Variants in ZNF420 observed in about 807,000 individuals in gnomAD.
The protein encoded by ZNF420 is ATM and p53-associated KZNF protein.
ZNF420 carries 31 observed loss-of-function variants against 44.7 expected under a neutral mutation model. The observed-to-expected ratio is 0.69, with a 90% CI of 0.52 to 0.94. ZNF420 has a LOEUF of 0.94. Among genes scored for constraint, ZNF420 ranks in the 40% least tolerant of loss-of-function variants. ZNF420 has a pLI of 0.00. For missense variants in ZNF420, 681 were observed against 827.9 expected, an observed-to-expected ratio of 0.82 and a Z score of 2.18; for synonymous variants, 245 against 267.4, an observed-to-expected ratio of 0.92 and a Z score of 0.82.
At chr19:37,074,063 A>T (rs1434223836), upstream of ZNF420, among the ~76,000 whole-genome samples, 1 of 152,182 alleles carries the variant, frequency 6.6e-6, no homozygotes, top group Admixed American at 6.5e-5. Flanking sequence ...AAAAATCACC[A>T]TTTTGCAACT....
rs1269387346 is a variant in ZNF420, at chr19:37,128,604, A to AG, written c.1615dup (p.Ala539GlyfsTer18). On this transcript the variant is annotated frameshift_variant, in exon 5 of 5. Coordinates refer to ENST00000337995, the MANE Select transcript of ZNF420 (RefSeq NM_144689.5). LOFTEE classifies it high-confidence loss of function. ...CCCTATGTGTGTAATGAATGTGGAA[A>AG]GGCCTTTGCGCGTGGCTTACTACTT... The AG allele has an allele frequency of 6.2e-7, 1 of 1,613,718 alleles. No homozygotes were observed. The highest frequency in any genetic ancestry group is 1.3e-5 in the African/African-American group (1 of 74,874).
At chr19:37,112,882 C>T (rs953997692) in intron 4 of ZNF420, among the ~76,000 whole-genome samples, 4 of 152,174 alleles carry the variant, frequency 2.6e-5, no homozygotes, top group Admixed American at 2.6e-4. Flanking sequence ...AGGCCGTGGG[C>T]CATATATCCC....
chr19:37,091,323 T>G (rs891958717), intron 4 of ZNF420: 10 of 391,630 alleles, frequency 2.6e-5, no homozygotes, highest in Non-Finnish European at 4.0e-5. Context: ...CACTGCCTTC[T>G]AATACCATCT....
At chr19:37,099,869 C>T (rs573321301) in intron 4 of ZNF420, among the ~76,000 whole-genome samples, 23 of 152,234 alleles carry the variant, frequency 1.5e-4, no homozygotes, top group Non-Finnish European at 2.9e-4. Flanking sequence ...GTGATCTGCC[C>T]GCCTGGGCCC....
chr19:37,011,095 A>T (rs189085464), intron 1 of ZNF420, among the ~76,000 whole-genome samples: 1 of 152,206 alleles, frequency 6.6e-6, no homozygotes, highest in Non-Finnish European at 1.5e-5. Context: ...CCTCTGCTCT[A>T]TCCTCCCTCT....
chr19:37,025,368 G>A (rs951456794), intron 1 of ZNF420: 85 of 167,988 alleles, frequency 5.1e-4, no homozygotes, highest in Non-Finnish European at 1.0e-3. Context: ...GTTAACTGTT[G>A]TTGTTTTTTT....
chr19:37,107,197 T>G (rs923468967), intron 4 of ZNF420: 2 of 152,076 alleles, frequency 1.3e-5, no homozygotes, highest in African/African-American at 2.4e-5. Context: ...GATGTCGGGC[T>G]GGGGGACAGT....
intron 1 of ZNF420, among the ~76,000 whole-genome samples, chr19:37,071,036 G>T (rs940542307): frequency 6.6e-6 from 1 of 152,100 alleles, no homozygotes; most frequent in Non-Finnish European, 1.5e-5. Context: ...TGTATGGCCC[G>T]CAAAGCCTAA....
At chr19:37,028,250 C>A (rs536770837) in intron 1 of ZNF420, among the ~76,000 whole-genome samples, 1 of 152,092 alleles carries the variant, frequency 6.6e-6, no homozygotes. Flanking sequence ...TGATGGACTG[C>A]GGGGAAAGAG....
intron 1 of ZNF420, among the ~76,000 whole-genome samples, chr19:37,055,397 C>G (rs1450818848): frequency 6.6e-6 from 1 of 152,278 alleles, no homozygotes; most frequent in African/African-American, 2.4e-5. Flanking sequence ...CCTGAAGCTC[C>G]TCCTCCACCG....
In ZNF420 at chr19:37,053,750, T is replaced by G. The variant is rs189276932; in HGVS notation, c.-124-26595T>G. Among the ~76,000 whole-genome samples, 622 of 152,156 alleles carry G rather than the reference T, an allele frequency of 4.1e-3. 3 individuals carry two copies. The highest frequency in any genetic ancestry group is 0.014 in the African/African-American group (573 of 41,526). ...TGTCTCAGAGGAGTACCTGGCCGTG[T>G]GAGGTGTCAGTCTGCCCCTACTGGG... is the stretch of plus-strand genomic sequence containing the variant. On this transcript the variant is annotated intron_variant, in intron 1 of 4. Transcript: ENST00000587029.
At chr19:37,107,554 T>C (rs1259959726) in intron 4 of ZNF420, 1 of 152,068 alleles carries the variant, frequency 6.6e-6, no homozygotes, top group African/African-American at 2.4e-5. Context: ...CTCTTATGTC[T>C]ACTTATTTCT....
At chr19:37,008,186 A>G in intron 1 of ZNF420, 1 of 309,218 alleles carries the variant, frequency 3.2e-6, no homozygotes, top group Non-Finnish European at 6.1e-6. Context: ...AGAGAGCAGA[A>G]CCCCGCAGCC....
chr19:37,065,112 A>G (rs907601411), intron 1 of ZNF420, among the ~76,000 whole-genome samples: 1 of 152,216 alleles, frequency 6.6e-6, no homozygotes, highest in African/African-American at 2.4e-5. Context: ...AATGGAGAGC[A>G]GATTCTTTTA....
chr19:37,016,786 G>A (rs1166864985), intron 1 of ZNF420, among the ~76,000 whole-genome samples: 2 of 152,194 alleles, frequency 1.3e-5, no homozygotes, highest in African/African-American at 4.8e-5. Context: ...CTCGGAGGAT[G>A]ATTTTGGTAG....
At chr19:37,065,120 T>C (rs753852463) in intron 1 of ZNF420, among the ~76,000 whole-genome samples, 3 of 152,178 alleles carry the variant, frequency 2.0e-5, no homozygotes, top group Non-Finnish European at 4.4e-5. Flanking sequence ...GCAGATTCTT[T>C]TAACTCAAGA....
intron 1 of ZNF420, among the ~76,000 whole-genome samples, chr19:37,023,102 C>T (rs143930677): frequency 0.011 from 1,670 of 151,914 alleles, 20 homozygotes; most frequent in South Asian, 0.052. Context: ...TGCACCACAG[C>T]ACTCCAGCCT....
At chr19:37,086,165 T>A (rs1968766148) in intron 2 of ZNF420, among the ~76,000 whole-genome samples, 2 of 151,906 alleles carry the variant, frequency 1.3e-5, no homozygotes, top group African/African-American at 2.4e-5. Flanking sequence ...CTGGTCCCAG[T>A]CCATAAAATG....
intron 1 of ZNF420, among the ~76,000 whole-genome samples, chr19:37,055,086 G>A: frequency 6.6e-6 from 1 of 152,280 alleles, no homozygotes; most frequent in East Asian, 1.9e-4. Context: ...AGGGATTTAA[G>A]ATACAAGAAT....
Sources: gnomAD v4.1 joint callset for allele counts (sites outside exome capture counted in the v4.1 genomes callset) on GRCh38, gnomAD v4.1.1 for gene constraint, MANE v1.5 for transcripts, NCBI Gene and HGNC (gene_info 2026-07-23, HGNC 2026-07-21) for gene names.